The following PRH1 variants were observed in gnomAD, a reference collection of about 807,000 sequenced individuals.
PRH1 encodes the protein salivary acidic proline-rich phosphoprotein 1/2.
A neutral mutation model predicts 7.9 loss-of-function variants in PRH1; 7 were observed. The observed-to-expected ratio is 0.89, with a 90% CI of 0.50 to 1.67. PRH1 has a LOEUF of 1.67. Ranked by LOEUF, PRH1 falls within the 40% of genes most tolerant of loss-of-function variation. PRH1 has a pLI of 0.00. For synonymous variants in PRH1, 45 were observed against 80.8 expected, an observed-to-expected ratio of 0.56 and a Z score of 2.38; for missense variants, 109 against 223.6, an observed-to-expected ratio of 0.49 and a Z score of 3.27.
intron 2 of PRH1, among the ~76,000 whole-genome samples, chr12:10,972,932 A>ACCCCC (rs545868427): frequency 7.7e-4 from 61 of 79,048 alleles, no homozygotes; most frequent in South Asian, 2.0e-3. Flanking sequence ...ACCACAACCC[A>ACCCCC]CCCCCCCCGC....
chr12:10,939,121 C>T lies in PRH1; in HGVS notation c.-59+34534G>A, dbSNP rs146473354. 82 of 1,607,418 alleles carry T rather than the reference C, an allele frequency of 5.1e-5. No homozygotes were observed. The Admixed American group carries it at 1.0e-3, about 20-fold the overall frequency. On this transcript the variant is annotated intron_variant, in intron 2 of 3. Transcript: ENST00000539853. Reference sequence around the variant, plus strand: ...CCTTGACCCAGTCAATACAGTTCACCAGTGCTATGAAACTATTTCCTAAAT... The same window carrying T: ...CCTTGACCCAGTCAATACAGTTCACTAGTGCTATGAAACTATTTCCTAAAT...
chr12:11,045,853 T>C (rs2136135741), intron 1 of PRH1, among the ~76,000 whole-genome samples: 1 of 151,818 alleles, frequency 6.6e-6, no homozygotes, highest in East Asian at 1.9e-4. Flanking sequence ...CTAGTTAAGT[T>C]GGAATACTGA....
At chr12:11,136,443 A>G (rs1419486448) in intron 1 of PRH1, among the ~76,000 whole-genome samples, 1 of 152,182 alleles carries the variant, frequency 6.6e-6, no homozygotes, top group Non-Finnish European at 1.5e-5. Flanking sequence ...ATTCTTTCAT[A>G]TATCATTTGA....
chr12:11,020,103 T>A (rs998795715), intron 1 of PRH1, among the ~76,000 whole-genome samples: 1 of 152,262 alleles, frequency 6.6e-6, no homozygotes, highest in African/African-American at 2.4e-5. Context: ...GAGAAATGCT[T>A]CTTCTTCAAA....
At chr12:10,933,749 A>T (rs181902621) in intron 2 of PRH1, among the ~76,000 whole-genome samples, 1 of 152,148 alleles carries the variant, frequency 6.6e-6, no homozygotes, top group Non-Finnish European at 1.5e-5. Flanking sequence ...TGCTAACCTT[A>T]TGTGTATCTG....
intron 1 of PRH1, among the ~76,000 whole-genome samples, chr12:11,165,432 C>G (rs1481017302): frequency 6.6e-6 from 1 of 152,208 alleles, no homozygotes; most frequent in African/African-American, 2.4e-5. Context: ...TCTTTCACCT[C>G]CAATACTGCT....
chr12:10,996,749 G>C (rs1043092825), intron 1 of PRH1: 1 of 380,570 alleles, frequency 2.6e-6, no homozygotes, highest in Non-Finnish European at 4.6e-6. Flanking sequence ...TATACATTCA[G>C]ACATACACAC....
intron 1 of PRH1, chr12:11,061,394 C>G (rs753429374): frequency 6.2e-7 from 1 of 1,613,744 alleles, no homozygotes. Context: ...TCTCCTTTCA[C>G]CCAGTACCTC....
intron 2 of PRH1, among the ~76,000 whole-genome samples, chr12:10,935,167 G>A (rs187183302): frequency 9.9e-5 from 15 of 152,102 alleles, no homozygotes; most frequent in Non-Finnish European, 2.2e-4. Context: ...GCAAGTTCCC[G>A]TATACACACA....
At chr12:11,071,360 G>T (rs1430167284) in intron 1 of PRH1, among the ~76,000 whole-genome samples, 1 of 152,166 alleles carries the variant, frequency 6.6e-6, no homozygotes, top group Non-Finnish European at 1.5e-5. Context: ...CAGGGGTTCA[G>T]TCAGAATGGT....
intron 1 of PRH1, among the ~76,000 whole-genome samples, chr12:11,108,665 G>A (rs536700420): frequency 6.6e-5 from 10 of 152,306 alleles, no homozygotes; most frequent in Admixed American, 2.6e-4. Flanking sequence ...CATGGTCTTC[G>A]TAACCCACAA....
intron 1 of PRH1, chr12:11,022,695 A>T: frequency 8.4e-6 from 6 of 714,388 alleles, no homozygotes; most frequent in Non-Finnish European, 1.4e-5. Flanking sequence ...CTTTAAATTC[A>T]GTGACTAGTG....
At chr12:10,961,764 T>G (rs988709774) in intron 2 of PRH1, among the ~76,000 whole-genome samples, 1 of 152,108 alleles carries the variant, frequency 6.6e-6, no homozygotes, top group Non-Finnish European at 1.5e-5. Context: ...CAATGGAAAA[T>G]GGAAGACAGA....
chr12:10,909,411 G>A, intron 2 of PRH1: 3 of 716,536 alleles, frequency 4.2e-6, no homozygotes, highest in South Asian at 4.1e-5. Flanking sequence ...TCCTTTTTCT[G>A]CTCCTTCTTT....
intron 1 of PRH1, among the ~76,000 whole-genome samples, chr12:10,987,091 T>G (rs542198115): frequency 1.3e-5 from 2 of 152,178 alleles, no homozygotes; most frequent in South Asian, 2.1e-4. Flanking sequence ...CAGCTCAAAT[T>G]AACTCATTCA....
intron 1 of PRH1, among the ~76,000 whole-genome samples, chr12:11,080,126 T>C (rs1321299073): frequency 2.5e-5 from 3 of 119,582 alleles, no homozygotes; most frequent in Admixed American, 2.5e-4. Flanking sequence ...CATCCATAAT[T>C]TATGATCATC....
At chr12:10,969,487 G>C (rs149520913) in intron 2 of PRH1, among the ~76,000 whole-genome samples, 1 of 152,234 alleles carries the variant, frequency 6.6e-6, no homozygotes, top group East Asian at 1.9e-4. Context: ...CCAGCCTCCT[G>C]CTCCTATCAC....
intron 1 of PRH1, among the ~76,000 whole-genome samples, chr12:11,160,573 C>T (rs575471802): frequency 3.3e-5 from 5 of 152,220 alleles, no homozygotes; most frequent in East Asian, 3.9e-4. Flanking sequence ...CAGGTTCAAG[C>T]GATCCTTCTG....
intron 2 of PRH1, among the ~76,000 whole-genome samples, chr12:10,954,338 C>T (rs928796491): frequency 2.0e-4 from 30 of 152,174 alleles, no homozygotes; most frequent in Admixed American, 5.2e-4. Context: ...AGAAGCAAGA[C>T]GCAATGGTAT....
Sources: gnomAD v4.1 joint callset for allele counts (sites outside exome capture counted in the v4.1 genomes callset) on GRCh38, gnomAD v4.1.1 for gene constraint, MANE v1.5 for transcripts, NCBI Gene and HGNC (gene_info 2026-07-23, HGNC 2026-07-21) for gene names.